The following SLC43A1 variants were observed in gnomAD, a reference collection of about 807,000 sequenced individuals.
SLC43A1 encodes solute carrier family 43 member 1.
In SLC43A1, 31 loss-of-function variants were observed where a neutral mutation model predicts 59.5. The observed-to-expected ratio is 0.52, with a 90% CI of 0.39 to 0.70. SLC43A1 has a LOEUF of 0.70. Among genes scored for constraint, SLC43A1 ranks in the 30% least tolerant of loss-of-function variants. The pLI is 0.00. For synonymous variants in SLC43A1, 259 were observed against 290.9 expected, an observed-to-expected ratio of 0.89 and a Z score of 1.12; for missense variants, 598 against 717.8, an observed-to-expected ratio of 0.83 and a Z score of 1.91.
intron 8 of SLC43A1, 65 bp downstream of exon 8, chr11:57,493,928 G>T: frequency 6.8e-7 from 1 of 1,460,000 alleles, no homozygotes; most frequent in Non-Finnish European, 9.2e-7. Flanking sequence ...AACCATGAGT[G>T]CTCACTGAAT....
In SLC43A1 at chr11:57,487,503, G is replaced by A. The variant is rs112616392; in HGVS notation, c.1410-285C>T. On this transcript the variant is annotated intron_variant, in intron 13 of 14. Transcript: ENST00000278426. ...TAATAACAGGGATGGCATTGACCTC[G>A]CAGGACTGTCCACTGTATTCTGTCA... Among the ~76,000 whole-genome samples, 32 of 152,226 alleles carry A rather than the reference G, an allele frequency of 2.1e-4. 2 individuals carry two copies. Among genetic ancestry groups the A allele is most frequent in the Admixed American group, 1.0e-3 (16 of 15,282 alleles).
chr11:57,505,618 G>T (rs76375488), intron 2 of SLC43A1, among the ~76,000 whole-genome samples: 2,923 of 152,168 alleles, frequency 0.019, 111 homozygotes, highest in African/African-American at 0.066. Context: ...GTGGGGGTGG[G>T]TAACAGCAAA....
At chr11:57,504,776 A>T (rs967358968) in intron 2 of SLC43A1, among the ~76,000 whole-genome samples, 1 of 152,184 alleles carries the variant, frequency 6.6e-6, no homozygotes, top group Non-Finnish European at 1.5e-5. Context: ...GTGCTCTTCC[A>T]CTAACGGAGA....
rs1943836354 is a variant in SLC43A1, at chr11:57,489,395, G to A, written c.1194-3C>T. Reference sequence around the variant, plus strand: ...TGGATTTGGTAGCAACCCCGTCCCTGAGGAGTACGGGAAGTCACTGGCTGC... The same window carrying A: ...TGGATTTGGTAGCAACCCCGTCCCTAAGGAGTACGGGAAGTCACTGGCTGC... On this transcript the variant is annotated splice_region_variant and splice_polypyrimidine_tract_variant and intron_variant, in intron 11 of 14. Transcript: ENST00000278426. The A allele has an allele frequency of 6.2e-7, 1 of 1,614,126 alleles. No homozygotes were observed. The highest frequency in any genetic ancestry group is 8.5e-7 in the Non-Finnish European group (1 of 1,179,998).
intron 2 of SLC43A1, among the ~76,000 whole-genome samples, chr11:57,512,472 G>T (rs1301305034): frequency 1.3e-5 from 2 of 151,742 alleles, no homozygotes; most frequent in African/African-American, 4.8e-5. Flanking sequence ...TGAACCCAGG[G>T]GGAGAAGGTT....
At chr11:57,503,724 A>G (rs1024687921) in intron 2 of SLC43A1, among the ~76,000 whole-genome samples, 3 of 152,208 alleles carry the variant, frequency 2.0e-5, no homozygotes, top group Non-Finnish European at 2.9e-5. Context: ...AAGCAAGAAG[A>G]AATACAAAGA....
chr11:57,496,186 C>A (rs1258533335), intron 6 of SLC43A1, 22 bp from the exon 7 acceptor site: 1 of 1,612,892 alleles, frequency 6.2e-7, no homozygotes, highest in Non-Finnish European at 8.5e-7. Context: ...GGGGGCAGGC[C>A]CGTGGGGGAG....
rs781163962 is a variant in SLC43A1 at position 57,496,030 on chromosome 11, C to T, written c.692+1G>A. 8.1e-6 allele frequency: 13 copies of T among 1,613,760 alleles called. No homozygotes were observed. The highest frequency in any genetic ancestry group is 1.6e-4 in the Middle Eastern group (1 of 6,084). On this transcript the variant is annotated splice_donor_variant, in intron 7 of 14. Transcript: ENST00000278426. LOFTEE classifies it high-confidence loss of function. ...AGTCTCTGCCCACTCCAGCCACTCA[C>T]GTGTAATTGACTTCCTCAGGGGCAG...
At chr11:57,504,531 A>G (rs1473703852) in intron 2 of SLC43A1, among the ~76,000 whole-genome samples, 1 of 152,222 alleles carries the variant, frequency 6.6e-6, no homozygotes, top group Admixed American at 6.5e-5. Context: ...AGAGAATCCC[A>G]TTTAATCCAT....
chr11:57,502,703 T>G (rs1300775741), intron 2 of SLC43A1, among the ~76,000 whole-genome samples: 1 of 151,974 alleles, frequency 6.6e-6, no homozygotes, highest in East Asian at 1.9e-4. Context: ...AAACCTTGTC[T>G]TTACAAAACA....
chr11:57,503,618 C>T (rs1036255893), intron 2 of SLC43A1, among the ~76,000 whole-genome samples: 9 of 152,112 alleles, frequency 5.9e-5, no homozygotes, highest in East Asian at 1.9e-4. Flanking sequence ...CAACTGTGCC[C>T]GGCCTCTCTA....
At position 57,491,880 on chromosome 11, in the gene SLC43A1, G is replaced by A. The variant is rs774313691; in HGVS notation, c.872-18C>T. ...GACAGACCCTGGGGAGACAGCAGGG[G>A]GCGCCCCTGAGCCCCAGACCTTCCA... On this transcript the variant is annotated intron_variant, in intron 8 of 14. Coordinates refer to ENST00000278426, the MANE Select transcript of SLC43A1 (RefSeq NM_003627.6). 10 of 1,612,490 alleles carry A rather than the reference G, an allele frequency of 6.2e-6. No individual in the cohort carries two copies. The South Asian group carries it at 9.9e-5, about 16-fold the overall frequency.
chr11:57,485,705 G>A (rs942458209), intron 14 of SLC43A1, among the ~76,000 whole-genome samples: 23 of 152,194 alleles, frequency 1.5e-4, no homozygotes, highest in African/African-American at 5.3e-4. Context: ...CCCAGGACAC[G>A]CGGGCTCTGA....
chr11:57,492,127 G>A (rs1288178394), intron 8 of SLC43A1, among the ~76,000 whole-genome samples: 1 of 151,644 alleles, frequency 6.6e-6, no homozygotes, highest in Admixed American at 6.6e-5. Context: ...CCAACACTTT[G>A]AAAGGCAGAG....
intron 2 of SLC43A1, among the ~76,000 whole-genome samples, chr11:57,509,631 AAGG>A (rs1944477699): frequency 7.5e-6 from 1 of 132,768 alleles, no homozygotes; most frequent in African/African-American, 2.8e-5. Flanking sequence ...GGAAGGAAGG[AAGG>A]AAGGAAGGAA....
intron 2 of SLC43A1, among the ~76,000 whole-genome samples, 190 bp downstream of exon 2, chr11:57,513,768 T>C (rs903564729): frequency 2.6e-5 from 4 of 152,198 alleles, no homozygotes; most frequent in Non-Finnish European, 5.9e-5. Flanking sequence ...CAGTGACCAC[T>C]GGATTAGATA....
chr11:57,514,679 C>T lies in SLC43A1; in HGVS notation c.-13-555G>A. 3.4e-6 allele frequency: 1 copy of T among 295,748 alleles called. No individual in the cohort carries two copies. The highest frequency in any genetic ancestry group is 5.1e-6 in the Non-Finnish European group (1 of 197,864). The allele number at this position is 295,748 out of a possible 1,614,324, so 18.3% of individuals were successfully genotyped here. A position where few individuals can be genotyped will look rare whatever the true frequency, so the allele number is the denominator to read the frequency against. Reference sequence around the variant, plus strand: ...CCCCCTTTCCGTATCAGGTGACCCACGACCCTACAGTCTCTCGGGCCAAGC... The same window carrying T: ...CCCCCTTTCCGTATCAGGTGACCCATGACCCTACAGTCTCTCGGGCCAAGC... On this transcript the variant is annotated intron_variant, in intron 1 of 14. Coordinates refer to ENST00000278426, the MANE Select transcript of SLC43A1 (RefSeq NM_003627.6). This position sits in a 1 kb window ranked among gnomAD's most constrained non-coding sequence, Gnocchi z 5.5.
chr11:57,503,178 G>A (rs192874540), intron 2 of SLC43A1, among the ~76,000 whole-genome samples: 19 of 152,226 alleles, frequency 1.2e-4, no homozygotes, highest in Admixed American at 3.9e-4. Context: ...CTGCCAAGGA[G>A]GTGGGGAAAG....
At chr11:57,491,460 C>T (rs536502882) in intron 10 of SLC43A1, 98 bp from the exon 11 acceptor site, 2 of 1,560,582 alleles carry the variant, frequency 1.3e-6, no homozygotes. Flanking sequence ...AATAGCCTTC[C>T]TCTGAACCCA....
Sources: allele counts gnomAD v4.1 joint callset (sites outside exome capture counted in the v4.1 genomes callset), GRCh38; gene constraint gnomAD v4.1.1; non-coding constraint Gnocchi (gnomAD v3.1); transcripts MANE v1.5; gene names NCBI Gene and HGNC (gene_info 2026-07-23, HGNC 2026-07-21).